TFCP2L1: variants seen among roughly 807,000 people sequenced by gnomAD.
The protein encoded by TFCP2L1 is transcription factor CP2 like 1.
A neutral mutation model predicts 72.2 loss-of-function variants in TFCP2L1; 12 were observed. The observed-to-expected ratio is 0.17, with a 90% CI of 0.11 to 0.27. TFCP2L1 has a LOEUF of 0.27. Ranked by LOEUF, TFCP2L1 falls within the 10% of genes least tolerant of loss-of-function variation. The pLI is 1.00. For synonymous variants in TFCP2L1, 260 were observed against 251.0 expected (o/e 1.04, Z -0.34); for missense variants, 488 against 624.6 (o/e 0.78, Z 2.33).
intron 2 of TFCP2L1, among the ~76,000 whole-genome samples, chr2:121,271,308 G>C: frequency 6.6e-6 from 1 of 152,050 alleles, no homozygotes; most frequent in East Asian, 1.9e-4. Flanking sequence ...AAGGTTATAT[G>C]CATGTTTGTC....
In TFCP2L1 at chr2:121,237,631, C is replaced by A; in HGVS notation, c.995G>T (p.Ser332Ile). 1 of 1,614,166 alleles carries A rather than the reference C, an allele frequency of 6.2e-7. No homozygotes were observed. The highest frequency in any genetic ancestry group is 8.5e-7 in the Non-Finnish European group (1 of 1,180,034). ...AGTTCGGAGATGCTCACCTGAGAAG[C>A]TGGCAAAGAGCCGGCAGAACTGCGA... is the stretch of plus-strand genomic sequence containing the variant. ...RFSQFCRLFA[S>I]FSGADLLKMS... is the part of the protein sequence containing the mutation. The change falls in exon 10 of 15, where the codon AGC becomes ATC. Residue 332 changes from serine to isoleucine, a missense_variant. Physicochemically the swap from Ser to Ile is moderately radical, Grantham distance 142. Transcript: ENST00000263707.
At chr2:121,283,448 G>C (rs1317816664) in intron 1 of TFCP2L1, among the ~76,000 whole-genome samples, 1 of 152,134 alleles carries the variant, frequency 6.6e-6, no homozygotes, top group Non-Finnish European at 1.5e-5. Context: ...AAATAAAAAA[G>C]GGCAAGGACT....
In TFCP2L1 at chr2:121,267,490, A is replaced by G. The variant is rs529112950; in HGVS notation, c.214+13630T>C. ...CACGACCATGTAGACACCTATGAAC[A>G]TTAAAAATCTTTTTTTTTTTTGGGA... On this transcript the variant is annotated intron_variant, in intron 2 of 14. Coordinates refer to ENST00000263707, the MANE Select transcript of TFCP2L1 (RefSeq NM_014553.3). 6.3e-4 allele frequency among the ~76,000 whole-genome samples: 93 copies of G among 148,008 alleles called. 2 individuals carry two copies. The South Asian group carries it at 0.014, about 22-fold the overall frequency.
chr2:121,242,584 G>T, intron 6 of TFCP2L1, 115 bp from the exon 7 acceptor site: 1 of 935,460 alleles, frequency 1.1e-6, no homozygotes, highest in Non-Finnish European at 1.7e-6. Context: ...GGAACTCAGG[G>T]GCAGGACAGC....
At chr2:121,225,496 C>T (rs187157309) in intron 14 of TFCP2L1, 66 bp downstream of exon 14, 1 of 1,507,178 alleles carries the variant, frequency 6.6e-7, no homozygotes. Context: ...AAGGGCCCAT[C>T]CTGCAGGCAG....
rs1686198804 is a variant in TFCP2L1, at chr2:121,234,167, A to G, written c.1122T>C (p.Tyr374=). ...GATTCTGCTCCAGCTCCTGACAGAC[A>G]TAAATGGTCATCTTTGGCCTCACAT... ...GRNVRPKMTI[Y]VCQELEQNRV... Residue 374 remains tyrosine, a synonymous_variant, in exon 12 of 15, where the codon TAT becomes TAC. Coordinates refer to ENST00000263707, the MANE Select transcript of TFCP2L1 (RefSeq NM_014553.3). The G allele has an allele frequency of 3.1e-6, 5 of 1,614,240 alleles. No homozygotes were observed. Among genetic ancestry groups the G allele is most frequent in the Non-Finnish European group, 4.2e-6 (5 of 1,180,036 alleles).
At chr2:121,284,955 A>T in intron 1 of TFCP2L1, 93 bp downstream of exon 1, 1 of 1,165,434 alleles carries the variant, frequency 8.6e-7, no homozygotes, top group Non-Finnish European at 1.1e-6. Flanking sequence ...GCCAGGGCCC[A>T]GCAGGGGCGC....
intron 2 of TFCP2L1, among the ~76,000 whole-genome samples, chr2:121,260,796 G>C (rs1297502299): frequency 6.6e-6 from 1 of 152,216 alleles, no homozygotes; most frequent in Non-Finnish European, 1.5e-5. Flanking sequence ...GAGTGGCTGT[G>C]CCCCAGTGAG....
At chr2:121,262,313 A>C (rs1357382831) in intron 2 of TFCP2L1, among the ~76,000 whole-genome samples, 1 of 152,006 alleles carries the variant, frequency 6.6e-6, no homozygotes, top group Non-Finnish European at 1.5e-5. Context: ...AAAAATACTA[A>C]AATTAGCCGG....
Position 121,239,544 on chromosome 2 carries a change from G to C in TFCP2L1, c.860+14C>G, listed in dbSNP as rs41278936. The stretch of plus-strand genomic sequence containing the variant: ...TCATTTCAGGGAACCCGAAGAAAGA[G>C]AGGTGGGACGTACCCTTCGCCGAGG... On this transcript the variant is annotated intron_variant, in intron 8 of 14. Transcript: ENST00000263707. The C allele has an allele frequency of 6.2e-7, 1 of 1,613,692 alleles. No homozygotes were observed. The highest frequency in any genetic ancestry group is 1.3e-5 in the African/African-American group (1 of 74,898).
At chr2:121,256,039 C>A (rs79217001) in intron 2 of TFCP2L1, among the ~76,000 whole-genome samples, 3 of 152,112 alleles carry the variant, frequency 2.0e-5, no homozygotes, top group Non-Finnish European at 4.4e-5. Flanking sequence ...CCGTGCCCGG[C>A]CCCCCTGAAC....
chr2:121,239,554 G>GGTACA lies in TFCP2L1; in HGVS notation c.860+3_860+4insTGTAC. ...GAACCCGAAGAAAGAGAGGTGGGAC[G>GGTACA]TACCCTTCGCCGAGGCCAAAGCTGT... On this transcript the variant is annotated splice_donor_region_variant and intron_variant, in intron 8 of 14. Transcript: ENST00000263707. 1 of 1,614,048 alleles carries GGTACA rather than the reference G, an allele frequency of 6.2e-7. No individual in the cohort carries two copies. The highest frequency in any genetic ancestry group is 2.2e-5 in the East Asian group (1 of 44,872).
intron 6 of TFCP2L1, among the ~76,000 whole-genome samples, chr2:121,245,468 T>C (rs1686461793): frequency 6.6e-6 from 1 of 152,206 alleles, no homozygotes; most frequent in Non-Finnish European, 1.5e-5. Context: ...ACAGCTCCCC[T>C]TGGAGGCCAC....
At position 121,246,987 on chromosome 2, in the gene TFCP2L1, TGG is replaced by T; in HGVS notation, c.505-19_505-18del. The T allele has an allele frequency of 6.2e-7, 1 of 1,613,848 alleles. No homozygotes were observed. Among genetic ancestry groups the T allele is most frequent in the Non-Finnish European group, 8.5e-7 (1 of 1,179,842 alleles). On this transcript the variant is annotated intron_variant, in intron 5 of 14. Transcript: ENST00000263707. ...GCAGTGTACCTGGGAGGAGAAACGTTGGGCAGGTGGCAAGGAGGCACCAAGCA... is the reference window on the plus strand; with the variant it reads ...GCAGTGTACCTGGGAGGAGAAACGTTGCAGGTGGCAAGGAGGCACCAAGCA...
chr2:121,249,381 T>C (rs1159160092), intron 3 of TFCP2L1, among the ~76,000 whole-genome samples, 190 bp downstream of exon 3: 1 of 152,150 alleles, frequency 6.6e-6, no homozygotes, highest in East Asian at 1.9e-4. Flanking sequence ...TGCCAGCCCA[T>C]CTAATCCCCA....
Position 121,261,272 on chromosome 2 carries a change from C to T in TFCP2L1, c.215-11625G>A, listed in dbSNP as rs966055959. ...GCCACAGGCTAGGCATCATGTCTGG[C>T]GTAAGATGAATCCAAGTAAACACTT... On this transcript the variant is annotated intron_variant, in intron 2 of 14. Transcript: ENST00000263707. Among the ~76,000 whole-genome samples, 3 of 152,096 alleles carry T rather than the reference C, an allele frequency of 2.0e-5. No homozygotes were observed. The South Asian group carries it at 6.2e-4, about 32-fold the overall frequency.
chr2:121,247,038 G>C lies in TFCP2L1; in HGVS notation c.505-68C>G, dbSNP rs113577724. 7 of 1,580,496 alleles carry C rather than the reference G, an allele frequency of 4.4e-6. No homozygotes were observed. In the East Asian group the frequency reaches 6.8e-5, roughly 15 times the overall value. On this transcript the variant is annotated intron_variant, in intron 5 of 14. Coordinates refer to ENST00000263707, the MANE Select transcript of TFCP2L1 (RefSeq NM_014553.3). Reference sequence around the variant, plus strand: ...CAGGGTGCCCCTGGATCCCCCAAGCGCCCCCTCTATTGGAGGTGTCCTTCC... The same window carrying C: ...CAGGGTGCCCCTGGATCCCCCAAGCCCCCCCTCTATTGGAGGTGTCCTTCC...
chr2:121,284,593 G>A (rs1687327854), intron 1 of TFCP2L1, among the ~76,000 whole-genome samples: 1 of 152,238 alleles, frequency 6.6e-6, no homozygotes, highest in African/African-American at 2.4e-5. Flanking sequence ...GCACTGCAGA[G>A]GGCGCGAGGC....
intron 1 of TFCP2L1, among the ~76,000 whole-genome samples, chr2:121,283,190 T>G (rs1330209285): frequency 2.0e-5 from 3 of 152,196 alleles, no homozygotes; most frequent in African/African-American, 4.8e-5. Context: ...CCTGGCATCT[T>G]TATTTGCCAA....
Sources: allele counts gnomAD v4.1 joint callset (sites outside exome capture counted in the v4.1 genomes callset), GRCh38; gene constraint gnomAD v4.1.1; transcripts MANE v1.5; gene names NCBI Gene and HGNC (gene_info 2026-07-23, HGNC 2026-07-21).